CCSER1: variants seen among roughly 807,000 people sequenced by gnomAD.
CCSER1 encodes serine-rich coiled-coil domain-containing protein 1.
A neutral mutation model predicts 82.0 loss-of-function variants in CCSER1; 41 were observed. The ratio of observed to expected loss-of-function variants is 0.50; its 90% confidence interval spans 0.39 to 0.65. CCSER1 has a LOEUF of 0.65. CCSER1 is among the 30% of genes least tolerant of loss of function. The pLI is 0.00. For synonymous variants in CCSER1, 414 were observed against 383.9 expected (o/e 1.08, Z -0.92); for missense variants, 1,119 against 1,064.2 (o/e 1.05, Z -0.72).
At chr4:91,383,015 A>G (rs537190159) in intron 10 of CCSER1, among the ~76,000 whole-genome samples, 6 of 151,936 alleles carry the variant, frequency 3.9e-5, no homozygotes, top group Non-Finnish European at 7.4e-5. Context: ...TTTTTTTAGC[A>G]ATAAAGGATT....
rs1194768404 is a variant in CCSER1 at position 90,811,989 on chromosome 4, TAAAC to T, written c.2011-3771_2011-3768del. On this transcript the variant is annotated intron_variant, in intron 7 of 10. Coordinates refer to ENST00000509176, the MANE Select transcript of CCSER1 (RefSeq NM_001145065.2). ...ATACACATATATATATATATATATA[TAAAC>T]ACATATATATATATGAGTTTATTAA... 5.3e-3 allele frequency among the ~76,000 whole-genome samples: 539 copies of T among 101,706 alleles called. 3 individuals are homozygous for T. The highest frequency in any genetic ancestry group is 0.013 in the African/African-American group (363 of 27,112). 66.7% of individuals were successfully genotyped at this position (101,706 alleles called of 152,430 possible).
At position 91,508,543 on chromosome 4, in the gene CCSER1, A is replaced by G. The variant is rs560130007; in HGVS notation, c.2218-90029A>G. On this transcript the variant is annotated intron_variant, in intron 10 of 10. Coordinates refer to ENST00000509176, the MANE Select transcript of CCSER1 (RefSeq NM_001145065.2). ...GGTGTTTGCATCTGAATCCAATAAA[A>G]GTTACTGGTCTGTAGTTTTTTTTTT... is the stretch of plus-strand genomic sequence containing the variant. Among the ~76,000 whole-genome samples the G allele has an allele frequency of 4.0e-5, 6 of 149,546 alleles. No individual in the cohort carries two copies. The East Asian group carries it at 1.2e-3, about 29-fold the overall frequency.
At chr4:91,207,694 T>C (rs1347802410) in intron 10 of CCSER1, among the ~76,000 whole-genome samples, 2 of 151,962 alleles carry the variant, frequency 1.3e-5, no homozygotes, top group Non-Finnish European at 2.9e-5. Flanking sequence ...TGAACATACA[T>C]GTGCATGTGG....
intron 10 of CCSER1, among the ~76,000 whole-genome samples, chr4:91,160,554 C>A (rs367640576): frequency 1.3e-5 from 2 of 152,266 alleles, no homozygotes; most frequent in Non-Finnish European, 1.5e-5. Context: ...CTCTCCAGCA[C>A]CTGTTGTGTC....
At chr4:90,291,606 T>G (rs1053025719) in intron 1 of CCSER1, among the ~76,000 whole-genome samples, 6 of 152,008 alleles carry the variant, frequency 3.9e-5, no homozygotes, top group African/African-American at 1.4e-4. Context: ...AAGAAGACAA[T>G]TTACTGAATT....
rs1404540984 is a variant in CCSER1 at position 90,408,552 on chromosome 4, A to G, written c.1603+8423A>G. Among the ~76,000 whole-genome samples the G allele has an allele frequency of 7.9e-5, 12 of 152,344 alleles. No individual in the cohort carries two copies. The East Asian group carries it at 2.3e-3, about 29-fold the overall frequency. On this transcript the variant is annotated intron_variant, in intron 4 of 10. Transcript: ENST00000509176. ...TGGAGTGGACCTCCAGTAAACTCCA[A>G]CAGATCTGCAGCTGAGTGTCCTGAC...
At chr4:90,663,891 G>A (rs1731253864) in intron 6 of CCSER1, 1 of 367,614 alleles carries the variant, frequency 2.7e-6, no homozygotes, top group East Asian at 8.3e-5. Flanking sequence ...AATAAAAATT[G>A]TATTATTTTC....
rs115191561 is a variant in CCSER1 at position 90,178,024 on chromosome 4, C to T, written c.-42+50193C>T. Among the ~76,000 whole-genome samples, 441 of 152,092 alleles carry T rather than the reference C, an allele frequency of 2.9e-3. 2 individuals carry two copies. Among genetic ancestry groups the T allele is most frequent in the African/African-American group, 0.01 (427 of 41,502 alleles). ...AGTATATTGGAAATATTCAAAAATC[C>T]GAAATCCAAAACATTTCTGGTCTCA... On this transcript the variant is annotated intron_variant, in intron 1 of 10. Coordinates refer to ENST00000509176, the MANE Select transcript of CCSER1 (RefSeq NM_001145065.2).
chr4:90,254,727 AG>A (rs1387943715), intron 1 of CCSER1, among the ~76,000 whole-genome samples: 1 of 152,054 alleles, frequency 6.6e-6, no homozygotes, highest in African/African-American at 2.4e-5. Flanking sequence ...GCTGGGTAGG[AG>A]GGAATGGGCC....
intron 7 of CCSER1, among the ~76,000 whole-genome samples, chr4:90,811,769 G>A (rs961908688): frequency 1.3e-5 from 2 of 151,968 alleles, no homozygotes; most frequent in Admixed American, 1.3e-4. Flanking sequence ...GAACAATATT[G>A]AGTATATGTT....
chr4:91,531,122 A>T (rs999189728), intron 10 of CCSER1, among the ~76,000 whole-genome samples: 1 of 152,202 alleles, frequency 6.6e-6, no homozygotes, highest in African/African-American at 2.4e-5. Context: ...ATAGGTAGTA[A>T]TTAGACAAAG....
At chr4:90,257,530 C>CAGATAGATAGATAGATAGAT (rs70963062) in intron 1 of CCSER1, among the ~76,000 whole-genome samples, 8 of 150,108 alleles carry the variant, frequency 5.3e-5, no homozygotes, top group African/African-American at 1.7e-4. Flanking sequence ...CAATAGGATA[C>CAGATAGATAGATAGATAGAT]AGATAGATAG....
chr4:91,205,894 AAT>A (rs1267619415), intron 10 of CCSER1, among the ~76,000 whole-genome samples: 1 of 151,092 alleles, frequency 6.6e-6, no homozygotes, highest in Non-Finnish European at 1.5e-5. Flanking sequence ...AAGTACTGAG[AAT>A]AGAGCAAGAA....
chr4:90,339,074 AC>A (rs769302039), intron 3 of CCSER1, among the ~76,000 whole-genome samples: 75 of 152,306 alleles, frequency 4.9e-4, no homozygotes, highest in Non-Finnish European at 9.7e-4. Context: ...TATAGCGTTT[AC>A]AAGATGATTT....
chr4:91,585,412 G>A (rs1673272805), intron 10 of CCSER1, among the ~76,000 whole-genome samples: 1 of 151,232 alleles, frequency 6.6e-6, no homozygotes, highest in Admixed American at 6.6e-5. Flanking sequence ...CAGAAACTAA[G>A]GTAAATGCTG....
At chr4:90,264,773 C>T (rs1209989249) in intron 1 of CCSER1, among the ~76,000 whole-genome samples, 1 of 151,982 alleles carries the variant, frequency 6.6e-6, no homozygotes, top group African/African-American at 2.4e-5. Flanking sequence ...GCTATCTGAG[C>T]ATTTAATATT....
At chr4:90,879,500 A>G (rs937802968) in intron 8 of CCSER1, among the ~76,000 whole-genome samples, 1 of 144,460 alleles carries the variant, frequency 6.9e-6, no homozygotes, top group African/African-American at 2.7e-5. Context: ...AAGAAGAAGA[A>G]GAAGAAGAAG....
chr4:91,169,598 G>A (rs1387164231), intron 10 of CCSER1, among the ~76,000 whole-genome samples: 1 of 151,952 alleles, frequency 6.6e-6, no homozygotes, highest in East Asian at 1.9e-4. Flanking sequence ...TCTAGCCTGG[G>A]GAATAGAATG....
At chr4:90,220,097 A>G (rs1388318063) in intron 1 of CCSER1, among the ~76,000 whole-genome samples, 1 of 152,146 alleles carries the variant, frequency 6.6e-6, no homozygotes, top group Admixed American at 6.6e-5. Flanking sequence ...GAGAACACAC[A>G]TCACCTTTAT....
Sources: gnomAD v4.1 joint callset for allele counts (sites outside exome capture counted in the v4.1 genomes callset) on GRCh38, gnomAD v4.1.1 for gene constraint, MANE v1.5 for transcripts, NCBI Gene and HGNC (gene_info 2026-07-23, HGNC 2026-07-21) for gene names.